The following EPG5 variants were observed in gnomAD, a reference collection of about 807,000 sequenced individuals.
EPG5 encodes ectopic P-granules 5 autophagy tethering factor, also known as ectopic P granules protein 5 homolog.
In EPG5, 159 loss-of-function variants were observed where a neutral mutation model predicts 302.7. The ratio of observed to expected loss-of-function variants is 0.53; its 90% confidence interval spans 0.46 to 0.60. The LOEUF (loss-of-function observed/expected upper bound fraction) is 0.60. Among genes scored for constraint, EPG5 ranks in the 20% least tolerant of loss-of-function variants. EPG5 has a pLI of 0.00. For missense variants in EPG5, 2,896 were observed against 3,092.4 expected, an observed-to-expected ratio of 0.94 and a Z score of 1.51; for synonymous variants, 1,158 against 1,136.8, an observed-to-expected ratio of 1.02 and a Z score of -0.37.
At chr18:45,902,955 G>C (rs950234532) in intron 25 of EPG5, among the ~76,000 whole-genome samples, 22 of 152,230 alleles carry the variant, frequency 1.4e-4, no homozygotes, top group African/African-American at 5.3e-4. Context: ...ATAAAGCACT[G>C]AGACAGTGCT....
At chr18:45,910,779 C>A (rs1458266038) in intron 22 of EPG5, 37 bp from the exon 23 acceptor site, 5 of 1,535,894 alleles carry the variant, frequency 3.3e-6, no homozygotes, top group South Asian at 1.1e-5. Context: ...AACCTTTCAA[C>A]ACAAGATGTA....
chr18:45,930,611 A>C, intron 12 of EPG5, 65 bp downstream of exon 12: 3 of 1,396,408 alleles, frequency 2.1e-6, no homozygotes, highest in Non-Finnish European at 9.6e-7. Flanking sequence ...TCCCCCAAAA[A>C]ATCAACAGAT....
At chr18:45,844,963 A>G (rs917772806), downstream of EPG5, among the ~76,000 whole-genome samples, 24 of 152,228 alleles carry the variant, frequency 1.6e-4, no homozygotes, top group African/African-American at 5.5e-4. Flanking sequence ...CCTCAATACC[A>G]TTACCACATT....
chr18:45,855,635 T>A lies in EPG5; in HGVS notation c.7495A>T (p.Met2499Leu). ...MAAFLSVQVP[M>L]EDQIRLRPGS... ...GGCCTCAAACGGATCTGATCTTCCATAGGAACCTGAACTGAAAGGAAGGCA... is the reference window on the plus strand; with the variant it reads ...GGCCTCAAACGGATCTGATCTTCCAAAGGAACCTGAACTGAAAGGAAGGCA... The change falls in exon 43 of 44, where the codon ATG (methionine) becomes TTG (leucine). Residue 2499 changes from methionine to leucine, a missense_variant. Met to Leu is a conservative substitution (Grantham distance 15). Around this residue, in one of 5 missense-constraint regions of EPG5, gnomAD observed 620 missense variants for 704.2 expected, o/e 0.88. Coordinates refer to ENST00000282041, the MANE Select transcript of EPG5 (RefSeq NM_020964.3). 3 of 1,614,166 alleles carry A rather than the reference T, an allele frequency of 1.9e-6. No individual in the cohort carries two copies. Among genetic ancestry groups the A allele is most frequent in the Non-Finnish European group, 2.5e-6 (3 of 1,180,028 alleles).
the EPG5 span, chr18:45,836,910 A>G: frequency 1.5e-6 from 1 of 668,488 alleles, no homozygotes; most frequent in Non-Finnish European, 2.8e-6. Context: ...CAGGCTGTAG[A>G]GTGAGGCGAT....
chr18:45,863,645 A>T (rs1289742984), intron 39 of EPG5, among the ~76,000 whole-genome samples: 3 of 152,182 alleles, frequency 2.0e-5, no homozygotes, highest in Non-Finnish European at 4.4e-5. Flanking sequence ...CTTCATCATT[A>T]AAGGGTGGCT....
intron 7 of EPG5, among the ~76,000 whole-genome samples, chr18:45,944,917 G>A (rs564392843): frequency 1.9e-3 from 284 of 152,300 alleles, no homozygotes; most frequent in Middle Eastern, 0.01. Flanking sequence ...GCCAAAAGCA[G>A]TATAAAAATA....
the EPG5 span, among the ~76,000 whole-genome samples, chr18:45,821,075 A>G: frequency 6.6e-6 from 1 of 152,256 alleles, no homozygotes. Context: ...TTCACTTCCC[A>G]GAAATATTAT....
chr18:45,908,426 T>C (rs2049812080), intron 23 of EPG5, among the ~76,000 whole-genome samples: 1 of 152,202 alleles, frequency 6.6e-6, no homozygotes, highest in African/African-American at 2.4e-5. Context: ...AGCTTTTCTT[T>C]CCTAGGCAAT....
chr18:45,837,644 C>T, the EPG5 span: 42 of 1,506,708 alleles, frequency 2.8e-5, no homozygotes, highest in Non-Finnish European at 3.5e-5. Context: ...GGCCATCTGG[C>T]GCGCGGGCGA....
chr18:45,819,402 C>T, the EPG5 span, among the ~76,000 whole-genome samples: 1 of 152,032 alleles, frequency 6.6e-6, no homozygotes, highest in Non-Finnish European at 1.5e-5. Flanking sequence ...TGAAGCGTCC[C>T]TTTAAGGGAA....
chr18:45,951,247 GA>G lies in EPG5; in HGVS notation c.1253-10del. On this transcript the variant is annotated splice_polypyrimidine_tract_variant and intron_variant, in intron 3 of 43. Transcript: ENST00000282041. Reference sequence around the variant, plus strand: ...TTCTGTCTGCTTAGACGCTGTAAATGAAAGATATTAAATGAGTCTCTCATAA... The same window carrying G: ...TTCTGTCTGCTTAGACGCTGTAAATGAAGATATTAAATGAGTCTCTCATAA... The G allele has an allele frequency of 6.8e-7, 1 of 1,467,558 alleles. No individual in the cohort carries two copies. Among genetic ancestry groups the G allele is most frequent in the South Asian group, 1.6e-5 (1 of 63,562 alleles). 90.9% of individuals were successfully genotyped at this position (1,467,558 alleles called of 1,614,324 possible). A position where few individuals can be genotyped will look rare whatever the true frequency, so the allele number is the denominator to read the frequency against.
chr18:45,922,517 C>G lies in EPG5; in HGVS notation c.2922G>C (p.Arg974Ser), dbSNP rs778048769. Residue 974 changes from arginine to serine, a missense_variant, in exon 16 of 44, where the codon AGG becomes AGC. Coordinates refer to ENST00000282041, the MANE Select transcript of EPG5 (RefSeq NM_020964.3). Reference protein sequence around the residue: ...FNQWAWNLILRLKLHKNDYGI... With the variant: ...FNQWAWNLILSLKLHKNDYGI... ...CATAATCGTTTTTGTGCAGTTTTAG[C>G]CTCAAGATTAAATTCCAGGCCCATT... The G allele has an allele frequency of 9.9e-6, 16 of 1,614,054 alleles. No individual in the cohort carries two copies. Among genetic ancestry groups the G allele is most frequent in the Non-Finnish European group, 1.4e-5 (16 of 1,180,048 alleles).
the EPG5 span, among the ~76,000 whole-genome samples, chr18:45,835,949 G>A: frequency 6.6e-6 from 1 of 152,206 alleles, no homozygotes; most frequent in East Asian, 1.9e-4. Context: ...GTCATGACAA[G>A]ACCCTGCACG....
intron 16 of EPG5, among the ~76,000 whole-genome samples, chr18:45,918,058 C>A (rs1303446323): frequency 1.3e-5 from 2 of 152,190 alleles, no homozygotes; most frequent in African/African-American, 4.8e-5. Context: ...CCCAAATTCA[C>A]ATAATTTCCT....
In EPG5 at chr18:45,876,152, TTAAA is replaced by T. The variant is rs796208178; in HGVS notation, c.6049+80_6049+83del. 2.7e-5 allele frequency: 24 copies of T among 895,014 alleles called. No homozygotes were observed. The African/African-American group carries it at 3.9e-4, about 15-fold the overall frequency. The allele number at this position is 895,014 out of a possible 1,614,324, so 55.4% of individuals were successfully genotyped here. ...CAAATAACTGCCTATTAAATAAAAA[TTAAA>T]TAGAGGAAAGTAGAAGAAAAAGACT... On this transcript the variant is annotated intron_variant, in intron 35 of 43. Coordinates refer to ENST00000282041, the MANE Select transcript of EPG5 (RefSeq NM_020964.3).
At chr18:45,875,862 C>A (rs2048957495) in intron 35 of EPG5, among the ~76,000 whole-genome samples, 1 of 152,128 alleles carries the variant, frequency 6.6e-6, no homozygotes, top group Non-Finnish European at 1.5e-5. Context: ...TGAGACCAGC[C>A]TGGGCAACAT....
chr18:45,910,830 AT>A (rs2049876080), intron 22 of EPG5, 88 bp from the exon 23 acceptor site: 1 of 950,604 alleles, frequency 1.1e-6, no homozygotes, highest in African/African-American at 1.6e-5. Context: ...TAGCAAGGCA[AT>A]TTACTGTGAT....
intron 10 of EPG5, among the ~76,000 whole-genome samples, chr18:45,936,948 A>G (rs2050542427): frequency 6.6e-6 from 1 of 152,100 alleles, no homozygotes; most frequent in South Asian, 2.1e-4. Context: ...GAACCTAAAC[A>G]GGCAACTGGT....
Sources: gnomAD v4.1 joint callset for allele counts (sites outside exome capture counted in the v4.1 genomes callset) on GRCh38, gnomAD v4.1.1 for gene constraint, gnomAD v4.1.1 regional missense constraint, MANE v1.5 for transcripts, NCBI Gene and HGNC (gene_info 2026-07-23, HGNC 2026-07-21) for gene names.